PPL: variants seen among roughly 807,000 people sequenced by gnomAD.
PPL encodes the protein 190 kDa paraneoplastic pemphigus antigen.
Under a neutral mutation model 194.4 loss-of-function variants are expected in PPL, and 198 were observed. The observed-to-expected ratio is 1.02, with a 90% CI of 0.91 to 1.15. The LOEUF (loss-of-function observed/expected upper bound fraction) is 1.15. Among genes scored for constraint, PPL ranks in the 50% most tolerant of loss-of-function variants. The pLI, the probability that PPL is intolerant of heterozygous loss-of-function variation, is 0.00. For synonymous variants in PPL, 1,220 were observed against 972.4 expected, an observed-to-expected ratio of 1.25 and a Z score of -4.74; for missense variants, 2,885 against 2,294.8, an observed-to-expected ratio of 1.26 and a Z score of -5.25.
intron 1 of PPL, among the ~76,000 whole-genome samples, chr16:4,913,535 AG>A (rs2088860798): frequency 6.6e-6 from 1 of 152,192 alleles, no homozygotes; most frequent in Admixed American, 6.5e-5. Flanking sequence ...GAGATCACCC[AG>A]CTCTGCCTCT....
chr16:4,915,600 C>A (rs184038657), intron 1 of PPL, among the ~76,000 whole-genome samples: 1 of 152,294 alleles, frequency 6.6e-6, no homozygotes, highest in East Asian at 1.9e-4. Context: ...CGCGATTCTC[C>A]CCGCAAGCAA....
Position 4,887,121 on chromosome 16 carries a change from C to A in PPL, c.2607+14G>T, listed in dbSNP as rs369553571. 1.4e-5 allele frequency: 23 copies of A among 1,592,702 alleles called. No individual in the cohort carries two copies. The African/African-American group carries it at 2.3e-4, about 16-fold the overall frequency. On this transcript the variant is annotated intron_variant, in intron 21 of 21. Transcript: ENST00000345988. ...GAACAGCCTGAAGTAGAATTTCTTACTAAGATCAGTTACCTGTCTGAGGAG... is the reference window on the plus strand; with the variant it reads ...GAACAGCCTGAAGTAGAATTTCTTAATAAGATCAGTTACCTGTCTGAGGAG...
At position 4,902,324 on chromosome 16, in the gene PPL, T is replaced by A; in HGVS notation, c.438+82A>T. The A allele has an allele frequency of 6.4e-7, 1 of 1,571,292 alleles. No homozygotes were observed. The highest frequency in any genetic ancestry group is 1.8e-5 in the Admixed American group (1 of 55,476). On this transcript the variant is annotated intron_variant, in intron 4 of 21. Coordinates refer to ENST00000345988, the MANE Select transcript of PPL (RefSeq NM_002705.5). This position sits in a 1 kb window ranked among gnomAD's most constrained non-coding sequence, Gnocchi z 4.0. ...CCCTGGTAAGACCCGGGATGCCCAT[T>A]ACATGGGTAGGCTCTCCCTGCACAC... is the stretch of plus-strand genomic sequence containing the variant.
At chr16:4,930,214 G>A (rs141846759) in intron 1 of PPL, among the ~76,000 whole-genome samples, 6 of 152,250 alleles carry the variant, frequency 3.9e-5, no homozygotes, top group African/African-American at 7.2e-5. Flanking sequence ...CCCCGGGTTC[G>A]GCGTGGAGGA....
chr16:4,924,993 C>T (rs11645099), intron 1 of PPL, among the ~76,000 whole-genome samples: 109,337 of 152,208 alleles, frequency 0.72, 42,147 homozygotes, highest in Non-Finnish European at 0.86. Context: ...GACACAGGTC[C>T]CTGCAGGCTC....
At position 4,885,225 on chromosome 16, in the gene PPL, C is replaced by A. The variant is rs2088193227; in HGVS notation, c.3430G>T (p.Ala1144Ser). The change falls in exon 22 of 22, where the codon GCT becomes TCT. Residue 1144 changes from alanine (A) to serine (S), a missense_variant. Physicochemically the swap from Ala to Ser is moderately conservative, Grantham distance 99. Transcript: ENST00000345988. This position sits in a 1 kb window ranked among gnomAD's most constrained non-coding sequence, Gnocchi z 6.3. ...TRQYEDEAAKARASQREKTEL... is the reference protein window; with the variant it reads ...TRQYEDEAAKSRASQREKTEL... ...GTCTTCTCCCTCTGGCTAGCGCGAG[C>A]CTTGGCAGCCTCGTCCTCATATTGG... The A allele has an allele frequency of 6.2e-7, 1 of 1,613,854 alleles. No homozygotes were observed.
At position 4,890,146 on chromosome 16, in the gene PPL, C is replaced by T. The variant is rs2088291320; in HGVS notation, c.2313+38G>A. The T allele has an allele frequency of 1.1e-5, 18 of 1,613,534 alleles. No homozygotes were observed. The South Asian group carries it at 2.0e-4, about 18-fold the overall frequency. ...CTTGTTGACCTCTGACCCTCCCTTG[C>T]CAGTGTGTGCCTGGGGCTGCGGAAA... On this transcript the variant is annotated intron_variant, in intron 18 of 21. Coordinates refer to ENST00000345988, the MANE Select transcript of PPL (RefSeq NM_002705.5).
Position 4,883,169 on chromosome 16 carries a change from C to T in PPL, c.*215G>A. The T allele has an allele frequency of 1.5e-5, 9 of 595,758 alleles. No individual in the cohort carries two copies. Among genetic ancestry groups the T allele is most frequent in the East Asian group, 2.9e-5 (1 of 34,040 alleles). The allele number at this position is 595,758 out of a possible 1,614,324, so 36.9% of individuals were successfully genotyped here. A position where few individuals can be genotyped will look rare whatever the true frequency, so the allele number is the denominator to read the frequency against. ...TGTCCAGTCATTGGAGGATGAAGTACGTCACTCAGGGTGAATGATGGTTGG... is the reference window on the plus strand; with the variant it reads ...TGTCCAGTCATTGGAGGATGAAGTATGTCACTCAGGGTGAATGATGGTTGG... On this transcript the variant is annotated 3_prime_UTR_variant, in exon 22 of 22. Transcript: ENST00000345988. This position sits in a 1 kb window ranked among gnomAD's most constrained non-coding sequence, Gnocchi z 4.8.
rs997774576 is a variant in PPL at position 4,892,208 on chromosome 16, G to C, written c.1656C>G (p.Ile552Met). The stretch of plus-strand genomic sequence containing the variant: ...GTTCAATCCGCAGTAGCTCGTTGGT[G>C]ATGTTCTGTGGGAACCAGGGCCCCT... Reference protein sequence around the residue: ...SAERAKDLKNITNELLRIEPE... With the variant: ...SAERAKDLKNMTNELLRIEPE... Residue 552 changes from isoleucine (I) to methionine (M), a missense_variant, in exon 15 of 22, where the codon ATC (isoleucine) becomes ATG (methionine). Ile to Met is a conservative substitution (Grantham distance 10). Coordinates refer to ENST00000345988, the MANE Select transcript of PPL (RefSeq NM_002705.5). The C allele has an allele frequency of 1.9e-6, 3 of 1,610,536 alleles. No individual in the cohort carries two copies. In the Admixed American group the frequency reaches 5.0e-5, roughly 27 times the overall value.
rs371664572 is a variant in PPL, at chr16:4,884,343, G to T, written c.4312C>A (p.Arg1438Ser). Reference protein sequence around the residue: ...AALEQEEAEAREKVTHTQKVV... With the variant: ...AALEQEEAEASEKVTHTQKVV... ...TTCTGCGTATGGGTTACCTTCTCAC[G>T]GGCCTCAGCTTCTTCCTGCTCCAGC... is the stretch of plus-strand genomic sequence containing the variant. Residue 1438 changes from arginine to serine, a missense_variant, in exon 22 of 22, where the codon CGT (arginine) becomes AGT (serine). Physicochemically the swap from Arg to Ser is moderately radical, Grantham distance 110 (BLOSUM62 -1). Coordinates refer to ENST00000345988, the MANE Select transcript of PPL (RefSeq NM_002705.5). The surrounding 1 kb of genome is among the most constrained non-coding windows in gnomAD (Gnocchi z 5.7). 6.2e-7 allele frequency: 1 copy of T among 1,612,396 alleles called. No homozygotes were observed. Among genetic ancestry groups the T allele is most frequent in the Non-Finnish European group, 8.5e-7 (1 of 1,179,674 alleles).
chr16:4,901,685 T>G (rs992977999), intron 4 of PPL, among the ~76,000 whole-genome samples: 1 of 144,982 alleles, frequency 6.9e-6, no homozygotes, highest in Non-Finnish European at 1.5e-5. Flanking sequence ...TGAGACCTTG[T>G]GTCAAAAATA....
At chr16:4,920,702 C>G (rs1254630521) in intron 1 of PPL, among the ~76,000 whole-genome samples, 3 of 152,172 alleles carry the variant, frequency 2.0e-5, no homozygotes, top group Non-Finnish European at 4.4e-5. Flanking sequence ...ATCAGGTGAT[C>G]TGCCTGCTTC....
rs374441624 is a variant in PPL at position 4,884,241 on chromosome 16, G to A, written c.4414C>T (p.Arg1472Trp). 13 of 1,613,310 alleles carry A rather than the reference G, an allele frequency of 8.1e-6. No homozygotes were observed. The highest frequency in any genetic ancestry group is 2.2e-5 in the South Asian group (2 of 91,078). The part of the protein sequence containing the change: ...LRLQLEEEQH[R>W]RQLLEGELET... The stretch of plus-strand genomic sequence containing the variant: ...AGCTCCCCCTCCAGGAGCTGCCGCC[G>A]GTGCTGCTCTTCTTCCAGCTGGAGT... The change falls in exon 22 of 22, where the codon CGG (arginine) becomes TGG (tryptophan). Residue 1472 changes from arginine to tryptophan, a missense_variant. Physicochemically the swap from Arg to Trp is moderately radical, Grantham distance 101. Coordinates refer to ENST00000345988, the MANE Select transcript of PPL (RefSeq NM_002705.5). The surrounding 1 kb of genome is among the most constrained non-coding windows in gnomAD (Gnocchi z 5.7).
At chr16:4,930,821 C>A (rs368873836) in intron 1 of PPL, among the ~76,000 whole-genome samples, 1 of 152,180 alleles carries the variant, frequency 6.6e-6, no homozygotes, top group Non-Finnish European at 1.5e-5. Context: ...CCGGGCACAG[C>A]GTGGAAACAA....
In PPL at chr16:4,891,903, C is replaced by T; in HGVS notation, c.1876G>A (p.Glu626Lys). Residue 626 changes from glutamate to lysine, a missense_variant, in exon 16 of 22, where the codon GAG (glutamate) becomes AAG (lysine). Glu to Lys is a moderately conservative substitution (Grantham distance 56). Transcript: ENST00000345988. ...TGGTTCTCGTGTGTGGCCAGCAACT[C>T]CCAGCTCTGCTGCAGGCTCTTCTCC... is the stretch of plus-strand genomic sequence containing the variant. Reference protein sequence around the residue: ...RLEKSLQQSWELLATHENHLN... With the variant: ...RLEKSLQQSWKLLATHENHLN... 2 of 1,613,602 alleles carry T rather than the reference C, an allele frequency of 1.2e-6. No individual in the cohort carries two copies. The highest frequency in any genetic ancestry group is 2.2e-5 in the East Asian group (1 of 44,880).
Position 4,895,616 on chromosome 16 carries a change from T to C in PPL, c.1073A>G (p.Glu358Gly). ...GPDFKDRYQI[E>G]LLLRELDDQE... ...CACATCCAGCTCCCGCAGCAGCAGC[T>C]CAATCTGGTACCGGTCCTTGAAGTC... Residue 358 changes from glutamate to glycine, a missense_variant, in exon 10 of 22, where the codon GAG becomes GGG. Glu to Gly is a moderately conservative substitution (Grantham distance 98). Transcript: ENST00000345988. The C allele has an allele frequency of 6.2e-7, 1 of 1,613,964 alleles. No individual in the cohort carries two copies. Among genetic ancestry groups the C allele is most frequent in the Non-Finnish European group, 8.5e-7 (1 of 1,180,010 alleles).
Position 4,902,570 on chromosome 16 carries a change from G to C in PPL, c.318-44C>G, listed in dbSNP as rs940851383. 8 of 1,598,006 alleles carry C rather than the reference G, an allele frequency of 5.0e-6. No homozygotes were observed. Among genetic ancestry groups the C allele is most frequent in the East Asian group, 2.3e-5 (1 of 44,316 alleles). Reference sequence around the variant, plus strand: ...CCACTTAGTGGGGCTGGTTGGCACTGCCTGCACCCCAGGAGGGGCCCCCCA... The same window carrying C: ...CCACTTAGTGGGGCTGGTTGGCACTCCCTGCACCCCAGGAGGGGCCCCCCA... On this transcript the variant is annotated intron_variant, in intron 3 of 21. Coordinates refer to ENST00000345988, the MANE Select transcript of PPL (RefSeq NM_002705.5). The surrounding 1 kb of genome is among the most constrained non-coding windows in gnomAD (Gnocchi z 4.0).
At chr16:4,903,801 G>A (rs1413208722) in intron 3 of PPL, 85 bp downstream of exon 3, 18 of 1,519,592 alleles carry the variant, frequency 1.2e-5, no homozygotes, top group East Asian at 4.5e-5. Flanking sequence ...CCCCTGACTC[G>A]GGCTCCCAAA....
rs1240140573 is a variant in PPL at position 4,897,824 on chromosome 16, G to C, written c.877-54C>G. 25 of 1,423,206 alleles carry C rather than the reference G, an allele frequency of 1.8e-5. No individual in the cohort carries two copies. The East Asian group carries it at 5.7e-4, about 33-fold the overall frequency. 88.2% of individuals were successfully genotyped at this position (1,423,206 alleles called of 1,614,324 possible). On this transcript the variant is annotated intron_variant, in intron 8 of 21. Coordinates refer to ENST00000345988, the MANE Select transcript of PPL (RefSeq NM_002705.5). Reference sequence around the variant, plus strand: ...ACTGGGCAGGTACTGCAGACACCAAGGGAGGGACTGCTGGGATATTGGGCT... The same window carrying C: ...ACTGGGCAGGTACTGCAGACACCAACGGAGGGACTGCTGGGATATTGGGCT...
Sources: gnomAD v4.1 joint callset for allele counts (sites outside exome capture counted in the v4.1 genomes callset) on GRCh38, gnomAD v4.1.1 for gene constraint, Gnocchi (gnomAD v3.1) non-coding constraint, MANE v1.5 for transcripts, NCBI Gene and HGNC (gene_info 2026-07-23, HGNC 2026-07-21) for gene names.